Variants in NEK5 observed in about 807,000 individuals in gnomAD.
The protein encoded by NEK5 is serine/threonine-protein kinase Nek5.
Under a neutral mutation model 109.2 loss-of-function variants are expected in NEK5, and 88 were observed. The observed-to-expected ratio is 0.81, with a 90% CI of 0.68 to 0.96. The LOEUF is 0.96. NEK5 is among the 40% of genes least tolerant of loss of function. The pLI is 0.00. For missense variants in NEK5, 834 were observed against 920.7 expected (o/e 0.91, Z 1.22); for synonymous variants, 283 against 299.9 (o/e 0.94, Z 0.58).
At position 52,037,132 on chromosome 13, in the gene NEK5, GT is replaced by G; in HGVS notation, c.2314del (p.Thr772GlnfsTer20). 1 of 985,200 alleles carries G rather than the reference GT, an allele frequency of 1.0e-6. No individual in the cohort carries two copies. The highest frequency in any genetic ancestry group is 1.2e-6 in the Non-Finnish European group (1 of 829,810). 61.0% of individuals were successfully genotyped at this position (985,200 alleles called of 1,614,324 possible). A position where few individuals can be genotyped will look rare whatever the true frequency, so the allele number is the denominator to read the frequency against. Reference sequence around the variant, plus strand: ...CTTAGAGGTACTGGAGGCCTCTTCTGTTTTTTCTTCCCCTTTGAAAGTAGCG... The same window carrying G: ...CTTAGAGGTACTGGAGGCCTCTTCTGTTTTTCTTCCCCTTTGAAAGTAGCG... ...KLATFKGEEK[T>X]EEASSTSKDS... is the part of the protein sequence containing the mutation. On this transcript the variant is annotated frameshift_variant, in exon 24 of 24. Coordinates refer to ENST00000684899, the MANE Select transcript of NEK5 (RefSeq NM_001365552.1). LOFTEE classifies it high-confidence loss of function.
intron 23 of NEK5, among the ~76,000 whole-genome samples, chr13:52,041,356 T>C (rs1177732083): frequency 1.3e-5 from 2 of 152,082 alleles, no homozygotes; most frequent in African/African-American, 4.8e-5. Flanking sequence ...ACCATATAAA[T>C]ATAAGAAAAA....
At chr13:52,083,126 CA>C (rs1955047821) in intron 17 of NEK5, 133 bp downstream of exon 17, 5 of 586,292 alleles carry the variant, frequency 8.5e-6, no homozygotes, top group Non-Finnish European at 1.5e-5. Flanking sequence ...AACCTGGCGA[CA>C]GAGTGAGACT....
chr13:52,083,542 T>TC (rs1955057999), intron 16 of NEK5, among the ~76,000 whole-genome samples, 190 bp from the exon 17 acceptor site: 1 of 144,862 alleles, frequency 6.9e-6, no homozygotes, highest in Non-Finnish European at 1.5e-5. Flanking sequence ...ATATCCACCA[T>TC]TTTTTTTTTT....
chr13:52,062,652 C>T (rs532021517), intron 21 of NEK5, among the ~76,000 whole-genome samples: 2 of 152,188 alleles, frequency 1.3e-5, no homozygotes, highest in South Asian at 2.1e-4. Flanking sequence ...AACTCCTGAC[C>T]TCATGATCTG....
intron 5 of NEK5, among the ~76,000 whole-genome samples, chr13:52,111,896 G>A (rs1021541597): frequency 3.9e-5 from 6 of 152,110 alleles, no homozygotes; most frequent in Admixed American, 6.6e-5. Context: ...TTAAAACAGA[G>A]CACCAAATGG....
chr13:52,037,069 A>C lies in NEK5; in HGVS notation c.2378T>G (p.Met793Arg), dbSNP rs1392629634. 4 of 985,288 alleles carry C rather than the reference A, an allele frequency of 4.1e-6. No homozygotes were observed. The highest frequency in any genetic ancestry group is 4.8e-6 in the Non-Finnish European group (4 of 829,922). 61.0% of individuals were successfully genotyped at this position (985,288 alleles called of 1,614,324 possible). Residue 793 changes from methionine to arginine, a missense_variant, in exon 24 of 24, where the codon ATG becomes AGG. Transcript: ENST00000684899. ...CTCCCTTAATTCTTCAGATTTCTGC[A>C]TACTTATCCCCTCTCTTTCTCTTGA... ...RKSREREGIS[M>R]QKSEELREGL...
In NEK5 at chr13:52,099,745, A is replaced by G; in HGVS notation, c.1024T>C (p.Ser342Pro). The G allele has an allele frequency of 6.2e-7, 1 of 1,613,364 alleles. No individual in the cohort carries two copies. Among genetic ancestry groups the G allele is most frequent in the Non-Finnish European group, 8.5e-7 (1 of 1,179,708 alleles). The change falls in exon 12 of 24, where the codon TCT (serine) becomes CCT (proline). Residue 342 changes from serine to proline, a missense_variant and splice_region_variant. Ser to Pro is a moderately conservative substitution (Grantham distance 74). Coordinates refer to ENST00000684899, the MANE Select transcript of NEK5 (RefSeq NM_001365552.1). Reference protein sequence around the residue: ...RPPAGAQKARSIKMIERPKIA... With the variant: ...RPPAGAQKARPIKMIERPKIA... ...AAGGAGGGTTTAGAATGACTTACAG[A>G]TCTGGCCTTCTGGGCTCCAGCTGGT...
chr13:52,058,537 A>T lies in NEK5; in HGVS notation c.2110+3282T>A, dbSNP rs1341512989. ...AGAACAAAGCTGGAGGCATCACACT[A>T]CCTGACTTCAAACTATACTACAAGG... is the stretch of plus-strand genomic sequence containing the variant. On this transcript the variant is annotated intron_variant, in intron 22 of 23. Transcript: ENST00000684899. 4.6e-5 allele frequency among the ~76,000 whole-genome samples: 7 copies of T among 152,156 alleles called. 1 individual carries two copies. The highest frequency in any genetic ancestry group is 3.3e-4 in the Admixed American group (5 of 15,270).
chr13:52,045,130 C>CTTTTTTTT (rs374051509), intron 23 of NEK5, among the ~76,000 whole-genome samples: 5 of 108,704 alleles, frequency 4.6e-5, no homozygotes, highest in East Asian at 5.4e-4. Context: ...AATAAAAAAT[C>CTTTTTTTT]TTTTTTTTTT....
intron 17 of NEK5, among the ~76,000 whole-genome samples, chr13:52,082,571 G>A (rs1955036587): frequency 6.6e-6 from 1 of 152,072 alleles, no homozygotes; most frequent in Non-Finnish European, 1.5e-5. Flanking sequence ...TCTTTTCTCA[G>A]AAGGGAAAAA....
chr13:52,089,452 A>C, intron 13 of NEK5, 139 bp from the exon 14 acceptor site: 1 of 599,114 alleles, frequency 1.7e-6, no homozygotes, highest in Non-Finnish European at 3.0e-6. Context: ...AGTAGTTCAC[A>C]GTTACAGAAT....
intron 12 of NEK5, among the ~76,000 whole-genome samples, chr13:52,095,155 C>T (rs777552577): frequency 3.3e-5 from 5 of 152,026 alleles, no homozygotes; most frequent in South Asian, 2.1e-4. Context: ...AGGCTGGTCT[C>T]GAACTCCTGG....
chr13:52,067,912 G>A (rs1009708146), intron 20 of NEK5, among the ~76,000 whole-genome samples: 7 of 151,986 alleles, frequency 4.6e-5, no homozygotes, highest in East Asian at 1.9e-4. Context: ...GGCTAGTCTC[G>A]AACTCCTGGC....
intron 4 of NEK5, among the ~76,000 whole-genome samples, chr13:52,117,166 G>A (rs769191002): frequency 2.0e-4 from 30 of 152,254 alleles, no homozygotes; most frequent in Non-Finnish European, 3.2e-4. Flanking sequence ...TGATCTGCCC[G>A]CCTCGGCCTC....
At chr13:52,082,404 T>C in intron 17 of NEK5, 4 of 1,109,802 alleles carry the variant, frequency 3.6e-6, no homozygotes, top group Non-Finnish European at 4.5e-6. Context: ...TTGGGCTTCT[T>C]ATTCGCAAAA....
Position 52,047,559 on chromosome 13 carries a change from C to T in NEK5, c.2228+2545G>A, listed in dbSNP as rs1299853131. Among the ~76,000 whole-genome samples the T allele has an allele frequency of 2.6e-5, 4 of 152,248 alleles. 1 individual carries two copies. In the South Asian group the frequency reaches 6.2e-4, roughly 24 times the overall value. On this transcript the variant is annotated intron_variant, in intron 23 of 23. Transcript: ENST00000684899. ...AAATCATGGGCCAAGTGCAGTGGCT[C>T]ATGCTGTAATCCCAGCATCTGGCTC...
chr13:52,094,383 G>A (rs1485315134), intron 12 of NEK5, among the ~76,000 whole-genome samples: 1 of 152,132 alleles, frequency 6.6e-6, no homozygotes, highest in African/African-American at 2.4e-5. Context: ...TGAATAACAA[G>A]AACAATTAAA....
At chr13:52,038,077 C>T (rs554813127) in intron 23 of NEK5, among the ~76,000 whole-genome samples, 1 of 152,306 alleles carries the variant, frequency 6.6e-6, no homozygotes, top group African/African-American at 2.4e-5. Context: ...CTAAAAGTAA[C>T]TGCACCAACC....
chr13:52,067,985 C>A (rs992633151), intron 20 of NEK5, among the ~76,000 whole-genome samples: 5 of 152,154 alleles, frequency 3.3e-5, no homozygotes, highest in African/African-American at 1.2e-4. Context: ...AACTACCATG[C>A]CTGGTCAACC....
Sources: gnomAD v4.1 joint callset for allele counts (sites outside exome capture counted in the v4.1 genomes callset) on GRCh38, gnomAD v4.1.1 for gene constraint, MANE v1.5 for transcripts, NCBI Gene and HGNC (gene_info 2026-07-23, HGNC 2026-07-21) for gene names.